Variants in TCTN3 observed in about 807,000 individuals in gnomAD.
TCTN3 encodes the protein tectonic family member 3, also known as tectonic-3.
TCTN3 carries 57 observed loss-of-function variants against 71.3 expected under a neutral mutation model. That is an observed-to-expected ratio of 0.80 (90% CI 0.65 to 1.00). The LOEUF is 1.00. Ranked by LOEUF, TCTN3 falls within the 50% of genes least tolerant of loss-of-function variation. The pLI is 0.00. For synonymous variants in TCTN3, 258 were observed against 267.8 expected (o/e 0.96, Z 0.36); for missense variants, 696 against 719.9 (o/e 0.97, Z 0.38).
chr10:95,665,316 T>C (rs1250905008), intron 13 of TCTN3, among the ~76,000 whole-genome samples: 3 of 152,160 alleles, frequency 2.0e-5, no homozygotes, highest in Non-Finnish European at 4.4e-5. Flanking sequence ...TCTCACTCTG[T>C]CACCCAGGCT....
chr10:95,664,216 G>A lies in TCTN3; in HGVS notation c.1675C>T (p.Gln559Ter), dbSNP rs1166241987. ...ITQKPQPPRGQPKMDWKWPFD... is the reference protein window; with the variant it reads ...ITQKPQPPRG ...GGCCATTTCCAGTCCATTTTGGGTTGGCCCCTTGGAGGCTGTGGCTTCTGG... is the reference window on the plus strand; with the variant it reads ...GGCCATTTCCAGTCCATTTTGGGTTAGCCCCTTGGAGGCTGTGGCTTCTGG... Residue 559 changes from glutamine to a stop codon, truncating the protein, a stop_gained, in exon 14 of 14, where the codon CAA becomes TAA. Coordinates refer to ENST00000371217, the MANE Select transcript of TCTN3 (RefSeq NM_015631.6). LOFTEE classifies it high-confidence loss of function. 1 of 1,614,056 alleles carries A rather than the reference G, an allele frequency of 6.2e-7. No individual in the cohort carries two copies. The highest frequency in any genetic ancestry group is 2.2e-5 in the East Asian group (1 of 44,892).
In TCTN3 at chr10:95,693,083, G is replaced by A. The variant is rs879132076; in HGVS notation, c.381-45C>T. The A allele has an allele frequency of 4.8e-6, 7 of 1,459,208 alleles. No individual in the cohort carries two copies. The African/African-American group carries it at 8.5e-5, about 18-fold the overall frequency. 90.4% of individuals were successfully genotyped at this position (1,459,208 alleles called of 1,614,324 possible). On this transcript the variant is annotated intron_variant, in intron 2 of 13. Transcript: ENST00000371217. ...AGAAGATATATTTAGAAGGGGCGGG[G>A]CAGGTCCAAAAAAGAGTGTCCCAGC...
chr10:95,675,887 C>G (rs996696814), intron 13 of TCTN3, among the ~76,000 whole-genome samples: 2 of 152,176 alleles, frequency 1.3e-5, no homozygotes, highest in Non-Finnish European at 2.9e-5. Flanking sequence ...AGGTTCTTAG[C>G]CTGGCTTCGA....
Position 95,685,608 on chromosome 10 carries a change from T to C in TCTN3, c.917A>G (p.Gln306Arg). The change falls in exon 8 of 14, where the codon CAG (glutamine) becomes CGG (arginine). Residue 306 changes from glutamine to arginine, a missense_variant. Coordinates refer to ENST00000371217, the MANE Select transcript of TCTN3 (RefSeq NM_015631.6). ...TCCAGCCAACAGAGGAGCATTAGCCTGTGAGGTAAGTATTACAGGAACCTG... is the reference window on the plus strand; with the variant it reads ...TCCAGCCAACAGAGGAGCATTAGCCCGTGAGGTAAGTATTACAGGAACCTG... ...EFQVPVILTSQANAPLLAGNT... is the reference protein window; with the variant it reads ...EFQVPVILTSRANAPLLAGNT... 4 of 1,551,480 alleles carry C rather than the reference T, an allele frequency of 2.6e-6. No individual in the cohort carries two copies. Among genetic ancestry groups the C allele is most frequent in the Non-Finnish European group, 3.5e-6 (4 of 1,146,858 alleles).
intron 12 of TCTN3, 83 bp from the exon 13 acceptor site, chr10:95,680,692 T>C: frequency 2.6e-6 from 4 of 1,514,604 alleles, no homozygotes; most frequent in Non-Finnish European, 3.6e-6. Flanking sequence ...CATTGTTTCT[T>C]AAGCATTATT....
intron 13 of TCTN3, among the ~76,000 whole-genome samples, chr10:95,666,772 G>C (rs2097926126): frequency 6.6e-6 from 1 of 152,150 alleles, no homozygotes. Flanking sequence ...TTTTAGGAGG[G>C]GGGCAGATTT....
chr10:95,682,047 T>C (rs1333444128), intron 12 of TCTN3, among the ~76,000 whole-genome samples: 2 of 151,430 alleles, frequency 1.3e-5, no homozygotes, highest in Non-Finnish European at 2.9e-5. Flanking sequence ...ATCAAAAAAT[T>C]ATCTAGGCAT....
chr10:95,687,502 G>A, intron 4 of TCTN3, 90 bp downstream of exon 4: 1 of 1,571,476 alleles, frequency 6.4e-7, no homozygotes, highest in Non-Finnish European at 8.7e-7. Context: ...TTAGCTAGCT[G>A]CAGGGTAGTG....
chr10:95,679,466 C>G (rs2097940572), intron 13 of TCTN3, among the ~76,000 whole-genome samples: 1 of 151,312 alleles, frequency 6.6e-6, no homozygotes, highest in African/African-American at 2.4e-5. Flanking sequence ...TACTTTATTT[C>G]TGGGATGTAA....
intron 13 of TCTN3, among the ~76,000 whole-genome samples, chr10:95,670,339 A>AC (rs1349495133): frequency 6.8e-5 from 8 of 118,398 alleles, no homozygotes; most frequent in African/African-American, 2.4e-4. Flanking sequence ...AATGTTATTG[A>AC]CCTACTTTAT....
At chr10:95,689,904 T>C (rs887904925) in intron 3 of TCTN3, among the ~76,000 whole-genome samples, 1 of 152,234 alleles carries the variant, frequency 6.6e-6, no homozygotes, top group Admixed American at 6.5e-5. Flanking sequence ...CTCCTATTCC[T>C]GGTGTTTTTT....
intron 13 of TCTN3, among the ~76,000 whole-genome samples, chr10:95,672,671 G>A (rs894026616): frequency 6.6e-5 from 9 of 137,020 alleles, no homozygotes; most frequent in Non-Finnish European, 1.1e-4. Context: ...CATTTGTGAA[G>A]TATCTGTTCA....
rs761094897 is a variant in TCTN3 at position 95,683,661 on chromosome 10, G to C, written c.1096-32C>G. The stretch of plus-strand genomic sequence containing the variant: ...AAAGAGGGAAGAGAAGTCAATTATG[G>C]AGATAAGCATACTTTCCCACCTCCC... On this transcript the variant is annotated intron_variant, in intron 9 of 13. Transcript: ENST00000371217. 4 of 1,582,638 alleles carry C rather than the reference G, an allele frequency of 2.5e-6. No individual in the cohort carries two copies. The South Asian group carries it at 3.4e-5, about 14-fold the overall frequency.
At chr10:95,688,189 G>C (rs2097950246) in intron 3 of TCTN3, among the ~76,000 whole-genome samples, 1 of 151,942 alleles carries the variant, frequency 6.6e-6, no homozygotes. Context: ...AGGAGTTCGA[G>C]ACCAGCCTGG....
intron 3 of TCTN3, among the ~76,000 whole-genome samples, chr10:95,689,913 T>A (rs2097952026): frequency 6.6e-6 from 1 of 152,240 alleles, no homozygotes; most frequent in Admixed American, 6.5e-5. Context: ...CTGGTGTTTT[T>A]TCCCCACTCC....
chr10:95,675,404 T>C (rs963821045), intron 13 of TCTN3, among the ~76,000 whole-genome samples: 57 of 152,142 alleles, frequency 3.7e-4, no homozygotes, highest in African/African-American at 1.3e-3. Flanking sequence ...TTATATATTT[T>C]AACATAGGAA....
intron 13 of TCTN3, among the ~76,000 whole-genome samples, chr10:95,669,451 T>C (rs781274338): frequency 1.3e-5 from 2 of 152,208 alleles, no homozygotes; most frequent in African/African-American, 2.4e-5. Context: ...AAGTCTTACC[T>C]GTGGCATCTC....
intron 4 of TCTN3, 36 bp downstream of exon 4, chr10:95,687,556 T>A (rs1253531616): frequency 6.2e-7 from 1 of 1,606,806 alleles, no homozygotes; most frequent in Non-Finnish European, 8.5e-7. Context: ...GAGTAAAAAC[T>A]AAACCAAACA....
Position 95,663,817 on chromosome 10 carries a change from A to G in TCTN3, c.*250T>C, listed in dbSNP as rs1298653708. ...CTGAAGGAAGGCTCTTGGCCTTCCCAGCTTGAGAAGTAGGGGCCTCATGTG... is the reference window on the plus strand; with the variant it reads ...CTGAAGGAAGGCTCTTGGCCTTCCCGGCTTGAGAAGTAGGGGCCTCATGTG... On this transcript the variant is annotated 3_prime_UTR_variant, in exon 14 of 14. Coordinates refer to ENST00000371217, the MANE Select transcript of TCTN3 (RefSeq NM_015631.6). 3 of 409,124 alleles carry G rather than the reference A, an allele frequency of 7.3e-6. No individual in the cohort carries two copies. The highest frequency in any genetic ancestry group is 1.3e-5 in the Non-Finnish European group (3 of 224,666). The allele number at this position is 409,124 out of a possible 1,614,324, so 25.3% of individuals were successfully genotyped here.
Sources: allele counts gnomAD v4.1 joint callset (sites outside exome capture counted in the v4.1 genomes callset), GRCh38; gene constraint gnomAD v4.1.1; transcripts MANE v1.5; gene names NCBI Gene and HGNC (gene_info 2026-07-23, HGNC 2026-07-21).